Variants in LOC400499 observed in about 807,000 individuals in gnomAD.
chr16:11,447,458 A>C, the LOC400499 span, among the ~76,000 whole-genome samples: 2 of 152,224 alleles, frequency 1.3e-5, no homozygotes, highest in Non-Finnish European at 2.9e-5. Context: ...GTGCTCAATG[A>C]ATGTAAATGG....
At chr16:11,384,355 C>A in the LOC400499 span, 5 of 1,182,628 alleles carry the variant, frequency 4.2e-6, no homozygotes, top group South Asian at 4.3e-5. Context: ...GGAGGCCGGC[C>A]GTAAGACCCT....
chr16:11,400,283 C>T, the LOC400499 span, among the ~76,000 whole-genome samples: 50 of 152,166 alleles, frequency 3.3e-4, no homozygotes, highest in African/African-American at 6.0e-4. Flanking sequence ...GGCCTTTGCA[C>T]GGGCTTTTCC....
chr16:11,398,330 T>C, the LOC400499 span: 12 of 1,232,138 alleles, frequency 9.7e-6, no homozygotes, highest in Non-Finnish European at 1.2e-5. Flanking sequence ...GCTGCCCCCT[T>C]CTGCAGGGCA....
At chr16:11,450,734 G>C in the LOC400499 span, 16 of 1,536,074 alleles carry the variant, frequency 1.0e-5, no homozygotes, top group Middle Eastern at 1.7e-4. Flanking sequence ...GTTAGCTCCA[G>C]GACAGCCTGG....
chr16:11,409,035 C>A, the LOC400499 span, among the ~76,000 whole-genome samples: 2 of 151,570 alleles, frequency 1.3e-5, no homozygotes, highest in African/African-American at 4.9e-5. Context: ...CTGAGGTGGG[C>A]AGATCATTTG....
At chr16:11,448,505 C>T in the LOC400499 span, among the ~76,000 whole-genome samples, 3 of 151,080 alleles carry the variant, frequency 2.0e-5, no homozygotes, top group African/African-American at 4.9e-5. Context: ...AGCAATACCT[C>T]GTGTCTGCTA....
At chr16:11,397,424 C>CGGA in the LOC400499 span, among the ~76,000 whole-genome samples, 1 of 152,114 alleles carries the variant, frequency 6.6e-6, no homozygotes, top group African/African-American at 2.4e-5. Flanking sequence ...CAGGCACGTG[C>CGGA]CACCGTGCCC....
chr16:11,527,252 C>T, the LOC400499 span, among the ~76,000 whole-genome samples: 1 of 152,154 alleles, frequency 6.6e-6, no homozygotes, highest in African/African-American at 2.4e-5. Context: ...GAATCTTTTT[C>T]CCCAAAGAGG....
chr16:11,466,448 C>A, the LOC400499 span, among the ~76,000 whole-genome samples: 2 of 151,666 alleles, frequency 1.3e-5, no homozygotes, highest in African/African-American at 4.8e-5. Flanking sequence ...AGTAAAGTGG[C>A]GTGATCTTGG....
the LOC400499 span, among the ~76,000 whole-genome samples, chr16:11,415,152 C>G: frequency 6.6e-6 from 1 of 152,190 alleles, no homozygotes; most frequent in South Asian, 2.1e-4. Context: ...GCCACCTGGC[C>G]CTGGCTGGAG....
At chr16:11,446,072 G>A in the LOC400499 span, among the ~76,000 whole-genome samples, 8 of 151,928 alleles carry the variant, frequency 5.3e-5, no homozygotes, top group South Asian at 2.1e-4. Context: ...TGATCTGCCC[G>A]CCTTGGCCTC....
At chr16:11,523,043 A>G in the LOC400499 span, among the ~76,000 whole-genome samples, 11 of 152,288 alleles carry the variant, frequency 7.2e-5, no homozygotes, top group East Asian at 1.9e-3. Context: ...CACACCTCAT[A>G]TTCCTAAGAT....
chr16:11,472,423 C>T, the LOC400499 span: 1 of 151,944 alleles, frequency 6.6e-6, no homozygotes. Flanking sequence ...GAACTCCTGA[C>T]CTCAGGTGAT....
At chr16:11,431,419 T>G in the LOC400499 span, among the ~76,000 whole-genome samples, 4 of 152,258 alleles carry the variant, frequency 2.6e-5, no homozygotes, top group East Asian at 7.7e-4. Flanking sequence ...TTTCATTTTT[T>G]TCCTAGGAGA....
chr16:11,395,873 G>A, the LOC400499 span, among the ~76,000 whole-genome samples: 1 of 152,142 alleles, frequency 6.6e-6, no homozygotes. Context: ...AAACCACCCT[G>A]TGAAATATCT....
the LOC400499 span, chr16:11,372,546 A>G: frequency 0.04 from 6,320 of 156,926 alleles, 446 homozygotes; most frequent in African/African-American, 0.14. Context: ...CCCCGGAAGT[A>G]TTTTGAGCCC....
chr16:11,425,469 G>A, the LOC400499 span: 358 of 399,126 alleles, frequency 9.0e-4, 1 homozygote, highest in African/African-American at 6.6e-3. Flanking sequence ...GAGCAGAGGC[G>A]GCTCAGGGAA....
chr16:11,464,918 C>T, the LOC400499 span, among the ~76,000 whole-genome samples: 2 of 152,212 alleles, frequency 1.3e-5, no homozygotes, highest in Non-Finnish European at 2.9e-5. Context: ...AAGTCTCAGC[C>T]ATCAGGCAGG....
chr16:11,460,634 C>G, the LOC400499 span: 2 of 1,505,516 alleles, frequency 1.3e-6, no homozygotes, highest in Non-Finnish European at 1.8e-6. Context: ...CCCAGAGACC[C>G]CTGCCCTCCT....
Sources: gnomAD v4.1 joint callset for allele counts (sites outside exome capture counted in the v4.1 genomes callset) on GRCh38, gnomAD v4.1.1 for gene constraint, MANE v1.5 for transcripts.